The following USH2A variants were observed in gnomAD, a reference collection of about 807,000 sequenced individuals.
USH2A encodes the protein Usher syndrome 2A (autosomal recessive, mild).
A neutral mutation model predicts 538.9 loss-of-function variants in USH2A; 443 were observed. The ratio of observed to expected loss-of-function variants is 0.82; its 90% CI spans 0.76 to 0.89. The LOEUF is 0.89. USH2A is among the 40% of genes least tolerant of loss of function. The pLI is 0.00. For synonymous variants in USH2A, 2,413 were observed against 2,273.5 expected, an observed-to-expected ratio of 1.06 and a Z score of -1.75; for missense variants, 6,633 against 6,324.8, an observed-to-expected ratio of 1.05 and a Z score of -1.65.
intron 20 of USH2A, among the ~76,000 whole-genome samples, chr1:216,176,433 A>G (rs1056583455): frequency 3.5e-5 from 5 of 142,384 alleles, no homozygotes; most frequent in African/African-American, 1.2e-4. Context: ...TTATGTTCAT[A>G]GAAAAATTGA....
chr1:215,751,825 A>G (rs10864194), intron 58 of USH2A, among the ~76,000 whole-genome samples: 27,500 of 152,078 alleles, frequency 0.18, 3,136 homozygotes, highest in South Asian at 0.41. Context: ...ATGCCATCTC[A>G]TTTACTTCAT....
chr1:215,908,967 C>T (rs965610423), intron 38 of USH2A, among the ~76,000 whole-genome samples: 4 of 148,842 alleles, frequency 2.7e-5, no homozygotes, highest in Non-Finnish European at 5.9e-5. Flanking sequence ...TTATATAATG[C>T]CTATATATAT....
Position 215,634,594 on chromosome 1 carries a change from C to A in USH2A, c.15162G>T (p.Leu5054Phe). The change falls in exon 70 of 72, where the codon TTG becomes TTT. Residue 5054 changes from leucine (L) to phenylalanine (F), a missense_variant. Physicochemically the swap from Leu to Phe is conservative, Grantham distance 22. Transcript: ENST00000307340. ...IVLMAMLGLI[L>F]LAIFLSLILQ... is the part of the protein sequence containing the mutation. ...GTATCAGGGACAGAAAAATGGCCAA[C>A]AAGATCAAGCCCAGCATCGCCATTA... is the stretch of plus-strand genomic sequence containing the variant. 2.5e-6 allele frequency: 4 copies of A among 1,614,158 alleles called. No individual in the cohort carries two copies. The highest frequency in any genetic ancestry group is 1.1e-5 in the South Asian group (1 of 91,080).
chr1:216,086,973 C>T (rs551311560), intron 23 of USH2A, 153 bp from the exon 24 acceptor site: 2 of 645,530 alleles, frequency 3.1e-6, no homozygotes, highest in African/African-American at 1.8e-5. Context: ...TTCACTGGCT[C>T]TTCCTCAACA....
intron 49 of USH2A, among the ~76,000 whole-genome samples, chr1:215,799,632 T>A (rs1028896997): frequency 3.6e-4 from 55 of 152,272 alleles, no homozygotes; most frequent in African/African-American, 1.3e-3. Context: ...CTGGGCTATG[T>A]CACACACTGA....
rs897211598 is a variant in USH2A at position 216,321,728 on chromosome 1, AT to A, written c.1644+154del. ...AATTTCAACTTAATTGATGGCTGTTATTTTTCTTAAAAAATCTGCAATAATT... is the reference window on the plus strand; with the variant it reads ...AATTTCAACTTAATTGATGGCTGTTATTTTCTTAAAAAATCTGCAATAATT... On this transcript the variant is annotated intron_variant, in intron 9 of 71. Transcript: ENST00000307340. Among the ~76,000 whole-genome samples, 43 of 152,104 alleles carry A rather than the reference AT, an allele frequency of 2.8e-4. 1 individual carries two copies. Among genetic ancestry groups the A allele is most frequent in the African/African-American group, 9.4e-4 (39 of 41,432 alleles).
At chr1:215,761,846 T>A (rs1325407954) in intron 56 of USH2A, among the ~76,000 whole-genome samples, 1 of 152,176 alleles carries the variant, frequency 6.6e-6, no homozygotes, top group Non-Finnish European at 1.5e-5. Context: ...TTAGACACTG[T>A]AAATCTCTTC....
At chr1:216,115,608 C>G (rs2032988824) in intron 21 of USH2A, among the ~76,000 whole-genome samples, 1 of 152,088 alleles carries the variant, frequency 6.6e-6, no homozygotes, top group African/African-American at 2.4e-5. Context: ...CAGAATGCTT[C>G]TATCAACATC....
chr1:216,392,758 C>T (rs1273141021), intron 3 of USH2A, among the ~76,000 whole-genome samples: 2 of 152,084 alleles, frequency 1.3e-5, no homozygotes, highest in Non-Finnish European at 2.9e-5. Flanking sequence ...AAGGGAATTA[C>T]ATTAATATCA....
At chr1:216,419,198 C>A (rs2039633248) in intron 2 of USH2A, among the ~76,000 whole-genome samples, 1 of 152,094 alleles carries the variant, frequency 6.6e-6, no homozygotes, top group Admixed American at 6.6e-5. Flanking sequence ...AGTCTCTACT[C>A]ACCCCATCAT....
At chr1:216,352,511 A>G (rs1023436418) in intron 4 of USH2A, among the ~76,000 whole-genome samples, 1 of 152,176 alleles carries the variant, frequency 6.6e-6, no homozygotes, top group African/African-American at 2.4e-5. Flanking sequence ...CTGACTGTAG[A>G]TGGTGGAATT....
intron 26 of USH2A, among the ~76,000 whole-genome samples, chr1:216,080,299 C>T (rs1167851467): frequency 1.3e-5 from 2 of 151,736 alleles, no homozygotes; most frequent in African/African-American, 4.8e-5. Flanking sequence ...ACAATGATCT[C>T]CTTAAAGAAG....
intron 62 of USH2A, among the ~76,000 whole-genome samples, chr1:215,677,576 A>G (rs557908237): frequency 1.2e-4 from 18 of 152,096 alleles, no homozygotes; most frequent in African/African-American, 3.9e-4. Flanking sequence ...CCTCATTTCT[A>G]TACTCGGGGT....
At position 215,836,503 on chromosome 1, in the gene USH2A, ATATT is replaced by A. The variant is rs1558119996; in HGVS notation, c.9371+1484_9371+1487del. ...ATAATATATATTATATATATAATAT[ATATT>A]ATATATATATAATATATATTATATA... On this transcript the variant is annotated intron_variant, in intron 47 of 71. Coordinates refer to ENST00000307340, the MANE Select transcript of USH2A (RefSeq NM_206933.4). Among the ~76,000 whole-genome samples the A allele has an allele frequency of 4.2e-3, 86 of 20,456 alleles. 1 individual carries two copies. The highest frequency in any genetic ancestry group is 0.016 in the African/African-American group (83 of 5,086). 13.4% of individuals were successfully genotyped at this position (20,456 alleles called of 152,430 possible). A position where few individuals can be genotyped will look rare whatever the true frequency, so the allele number is the denominator to read the frequency against.
intron 3 of USH2A, among the ~76,000 whole-genome samples, chr1:216,406,734 A>T (rs1233322659): frequency 6.6e-6 from 1 of 152,068 alleles, no homozygotes; most frequent in Non-Finnish European, 1.5e-5. Flanking sequence ...ATTTGCAGCT[A>T]ATTCCTTTGA....
Position 216,205,979 on chromosome 1 carries a change from T to A in USH2A, c.3316+1294A>T, listed in dbSNP as rs114855710. ...TTCATAAAAGTTACAAAGGCAAAGA[T>A]AGGCTTGATGGCTTGTTTATATCCT... On this transcript the variant is annotated intron_variant, in intron 16 of 71. Transcript: ENST00000307340. Among the ~76,000 whole-genome samples the A allele has an allele frequency of 6.8e-3, 1,036 of 152,318 alleles. 12 individuals are homozygous for A. The highest frequency in any genetic ancestry group is 0.024 in the African/African-American group (994 of 41,586).
chr1:216,124,569 A>C (rs1456988888), intron 21 of USH2A, among the ~76,000 whole-genome samples: 1 of 152,214 alleles, frequency 6.6e-6, no homozygotes, highest in Admixed American at 6.5e-5. Flanking sequence ...TTCAAGTCAG[A>C]AACTCAGCAA....
intron 55 of USH2A, among the ~76,000 whole-genome samples, chr1:215,773,263 A>G (rs939539865): frequency 1.3e-5 from 2 of 152,048 alleles, no homozygotes; most frequent in Non-Finnish European, 2.9e-5. Flanking sequence ...CTTGTCAGCC[A>G]CTTGTACTGT....
chr1:215,953,377 T>C (rs1181740514), intron 37 of USH2A, among the ~76,000 whole-genome samples: 1 of 152,048 alleles, frequency 6.6e-6, no homozygotes. Flanking sequence ...CATAGACCAA[T>C]AGAATGGAAC....
Sources: gnomAD v4.1 joint callset for allele counts (sites outside exome capture counted in the v4.1 genomes callset) on GRCh38, gnomAD v4.1.1 for gene constraint, MANE v1.5 for transcripts, NCBI Gene and HGNC (gene_info 2026-07-23, HGNC 2026-07-21) for gene names.